MRPL13: variants seen among roughly 807,000 people sequenced by gnomAD.
The protein encoded by MRPL13 is large ribosomal subunit protein uL13m.
A neutral mutation model predicts 29.0 loss-of-function variants in MRPL13; 33 were observed. That is an observed-to-expected ratio of 1.14 (90% CI 0.86 to 1.52). MRPL13 has a LOEUF of 1.52. MRPL13 is among the 40% of genes most tolerant of loss of function. The probability of loss-of-function intolerance (pLI) is 0.00; values close to 1 mark genes in which losing one functional copy is unlikely to be tolerated. For missense variants in MRPL13, 227 were observed against 216.7 expected (o/e 1.05, Z -0.30); for synonymous variants, 77 against 68.4 (o/e 1.13, Z -0.62).
chr8:120,438,031 T>C (rs901663125), intron 2 of MRPL13, among the ~76,000 whole-genome samples: 7 of 152,218 alleles, frequency 4.6e-5, no homozygotes, highest in African/African-American at 1.4e-4. Flanking sequence ...TGACATCTTC[T>C]GGACACGAGA....
chr8:120,419,033 A>G (rs1056518868), intron 5 of MRPL13, among the ~76,000 whole-genome samples: 2 of 152,090 alleles, frequency 1.3e-5, no homozygotes, highest in Non-Finnish European at 2.9e-5. Context: ...AGAAGGAACA[A>G]GAAGGACAAT....
intron 2 of MRPL13, among the ~76,000 whole-genome samples, chr8:120,442,874 C>T (rs1468712806): frequency 6.6e-6 from 1 of 151,962 alleles, no homozygotes; most frequent in South Asian, 2.1e-4. Context: ...CGTGAAAAGA[C>T]ATATATAAAA....
At chr8:120,438,888 C>T (rs1274096865) in intron 2 of MRPL13, among the ~76,000 whole-genome samples, 6 of 152,166 alleles carry the variant, frequency 3.9e-5, no homozygotes, top group African/African-American at 7.2e-5. Flanking sequence ...CTCTATAAAT[C>T]GGTAATTCTA....
chr8:120,400,697 A>AAAAT (rs199590776), intron 6 of MRPL13, among the ~76,000 whole-genome samples: 260 of 132,062 alleles, frequency 2.0e-3, no homozygotes, highest in Middle Eastern at 3.8e-3. Flanking sequence ...GGTTTTTTGG[A>AAAAT]AAATAAATAA....
At chr8:120,425,637 A>C (rs958907927) in intron 3 of MRPL13, among the ~76,000 whole-genome samples, 15 of 152,132 alleles carry the variant, frequency 9.9e-5, no homozygotes. Context: ...TAATTCACTC[A>C]CTCATTATGG....
chr8:120,411,592 C>T (rs1276976292), intron 6 of MRPL13, among the ~76,000 whole-genome samples: 1 of 152,150 alleles, frequency 6.6e-6, no homozygotes, highest in Non-Finnish European at 1.5e-5. Flanking sequence ...CTATACTATC[C>T]ATACGTTTCA....
intron 2 of MRPL13, among the ~76,000 whole-genome samples, chr8:120,433,771 T>C (rs1813022403): frequency 6.6e-6 from 1 of 152,122 alleles, no homozygotes; most frequent in East Asian, 1.9e-4. Flanking sequence ...AACACTAAAG[T>C]CAGTATTACT....
intron 1 of MRPL13, chr8:120,444,829 C>T (rs2130493419): frequency 2.2e-6 from 1 of 463,256 alleles, no homozygotes; most frequent in Admixed American, 3.3e-5. Flanking sequence ...ATCCTCTTCC[C>T]CCCGCCCCCC....
intron 4 of MRPL13, among the ~76,000 whole-genome samples, chr8:120,422,868 C>A (rs1452915161): frequency 2.6e-5 from 4 of 151,512 alleles, no homozygotes; most frequent in African/African-American, 9.7e-5. Flanking sequence ...TGAGGAAAGT[C>A]ATTTTTAACA....
chr8:120,419,699 T>G (rs1812845416), intron 5 of MRPL13, 153 bp downstream of exon 5: 2 of 436,952 alleles, frequency 4.6e-6, no homozygotes, highest in African/African-American at 4.1e-5. Context: ...ATTATCATTT[T>G]TTATACATAC....
intron 6 of MRPL13, among the ~76,000 whole-genome samples, chr8:120,413,531 C>T (rs373136082): frequency 1.3e-5 from 2 of 152,120 alleles, no homozygotes; most frequent in Non-Finnish European, 2.9e-5. Flanking sequence ...AGCAGCTTTA[C>T]GGCCTTAGGT....
In MRPL13 at chr8:120,395,992, T is replaced by C; in HGVS notation, c.*112A>G. On this transcript the variant is annotated 3_prime_UTR_variant, in exon 7 of 7. Coordinates refer to ENST00000306185, the MANE Select transcript of MRPL13 (RefSeq NM_014078.6). ...CCTTTCCCCACAGTGATTCGGCACA[T>C]AAAACAGGTGCTGAACTGTAGCAGT... 9 of 838,154 alleles carry C rather than the reference T, an allele frequency of 1.1e-5. No individual in the cohort carries two copies. The highest frequency in any genetic ancestry group is 1.5e-5 in the Non-Finnish European group (8 of 533,568). 51.9% of individuals were successfully genotyped at this position (838,154 alleles called of 1,614,324 possible).
At chr8:120,415,706 C>T (rs1313418049) in intron 5 of MRPL13, 1 of 152,082 alleles carries the variant, frequency 6.6e-6, no homozygotes, top group Non-Finnish European at 1.5e-5. Flanking sequence ...ATCCTTTCTC[C>T]TATTGTTATC....
chr8:120,401,586 C>G (rs1586916752), intron 6 of MRPL13, among the ~76,000 whole-genome samples: 2 of 152,226 alleles, frequency 1.3e-5, no homozygotes, highest in South Asian at 4.2e-4. Flanking sequence ...CCCTTGAAAA[C>G]CAGCAAATGA....
At chr8:120,403,654 AT>A (rs1812630986) in intron 6 of MRPL13, among the ~76,000 whole-genome samples, 1 of 152,166 alleles carries the variant, frequency 6.6e-6, no homozygotes, top group Non-Finnish European at 1.5e-5. Context: ...GAAAATAAAT[AT>A]TTTGAAAACA....
In MRPL13 at chr8:120,425,386, C is replaced by G. The variant is rs1172932457; in HGVS notation, c.246-20G>C. 1.9e-6 allele frequency: 3 copies of G among 1,582,452 alleles called. No individual in the cohort carries two copies. The highest frequency in any genetic ancestry group is 1.1e-5 in the South Asian group (1 of 90,170). On this transcript the variant is annotated intron_variant, in intron 3 of 6. Coordinates refer to ENST00000306185, the MANE Select transcript of MRPL13 (RefSeq NM_014078.6). Reference sequence around the variant, plus strand: ...GGGTAGCTGTTAAAAGGAGAAAAGACATTAAAACTGGGCATAGGCTGATAC... The same window carrying G: ...GGGTAGCTGTTAAAAGGAGAAAAGAGATTAAAACTGGGCATAGGCTGATAC...
At chr8:120,396,210 T>C in intron 6 of MRPL13, 85 bp from the exon 7 acceptor site, 2 of 1,043,658 alleles carry the variant, frequency 1.9e-6, no homozygotes, top group Non-Finnish European at 2.8e-6. Context: ...CAATTTAAAA[T>C]AAAAATAACT....
intron 3 of MRPL13, 110 bp from the exon 4 acceptor site, chr8:120,425,476 C>CT: frequency 1.4e-6 from 1 of 731,120 alleles, no homozygotes; most frequent in Non-Finnish European, 2.2e-6. Flanking sequence ...CTCGAAACTG[C>CT]TTTTCATTAG....
chr8:120,408,475 G>T (rs1259407842), intron 6 of MRPL13, among the ~76,000 whole-genome samples: 2 of 152,150 alleles, frequency 1.3e-5, no homozygotes, highest in African/African-American at 4.8e-5. Context: ...CCCAGGACTG[G>T]AAAGACTGAA....
Sources: allele counts gnomAD v4.1 joint callset (sites outside exome capture counted in the v4.1 genomes callset), GRCh38; gene constraint gnomAD v4.1.1; transcripts MANE v1.5; gene names NCBI Gene and HGNC (gene_info 2026-07-23, HGNC 2026-07-21).